Variants in SLC16A10 observed in about 807,000 individuals in gnomAD.
SLC16A10 encodes monocarboxylate transporter 10.
Under a neutral mutation model 40.0 loss-of-function variants are expected in SLC16A10, and 27 were observed. The ratio of observed to expected loss-of-function variants is 0.67; its 90% CI spans 0.50 to 0.93. The LOEUF (loss-of-function observed/expected upper bound fraction) is 0.93, where lower values mean the gene tolerates loss of function less well. SLC16A10 is among the 40% of genes least tolerant of loss of function. SLC16A10 has a pLI of 0.00. For missense variants in SLC16A10, 529 were observed against 658.2 expected, an observed-to-expected ratio of 0.80 and a Z score of 2.15; for synonymous variants, 213 against 249.8, an observed-to-expected ratio of 0.85 and a Z score of 1.39.
At chr6:111,164,079 A>C (rs1772427567) in intron 1 of SLC16A10, among the ~76,000 whole-genome samples, 1 of 152,238 alleles carries the variant, frequency 6.6e-6, no homozygotes, top group African/African-American at 2.4e-5. Context: ...ACCCTTTTGA[A>C]TTTAGTCAAT....
chr6:111,094,878 C>T (rs999463654), intron 1 of SLC16A10, among the ~76,000 whole-genome samples: 9 of 152,180 alleles, frequency 5.9e-5, no homozygotes, highest in Admixed American at 3.3e-4. Context: ...TGGCCTCAAG[C>T]GACCCTCCTG....
In SLC16A10 at chr6:111,230,402, A is replaced by T. The variant is rs1429980028; in HGVS notation, c.*8167A>T. 2 of 152,336 alleles carry T rather than the reference A, an allele frequency of 1.3e-5. No homozygotes were observed. The highest frequency in any genetic ancestry group is 6.5e-5 in the Admixed American group (1 of 15,298). The allele number at this position is 152,336 out of a possible 1,614,324, so 9.4% of individuals were successfully genotyped here. ...TCTCATTTTCCTAATTAGAAAGACT[A>T]TGCATTCACAATCCAGTACACTGGA... On this transcript the variant is annotated 3_prime_UTR_variant, in exon 6 of 6. Coordinates refer to ENST00000368851, the MANE Select transcript of SLC16A10 (RefSeq NM_018593.5).
At chr6:111,219,154 C>CT in intron 5 of SLC16A10, 112 bp downstream of exon 5, 3 of 992,828 alleles carry the variant, frequency 3.0e-6, no homozygotes, top group Admixed American at 2.5e-5. Flanking sequence ...GATTACTGGT[C>CT]TTTTGCTTTT....
At chr6:111,117,051 A>C (rs1021496501) in intron 1 of SLC16A10, among the ~76,000 whole-genome samples, 4 of 152,024 alleles carry the variant, frequency 2.6e-5, no homozygotes, top group African/African-American at 4.8e-5. Context: ...AGGATTGATA[A>C]AAGAAGTGGG....
At chr6:111,119,430 T>C (rs1771544690) in intron 1 of SLC16A10, among the ~76,000 whole-genome samples, 1 of 152,260 alleles carries the variant, frequency 6.6e-6, no homozygotes, top group Admixed American at 6.5e-5. Context: ...ATTGGAATCT[T>C]ACACAGTTTT....
intron 1 of SLC16A10, among the ~76,000 whole-genome samples, chr6:111,140,847 G>A (rs938357361): frequency 3.3e-5 from 5 of 152,106 alleles, no homozygotes; most frequent in African/African-American, 9.7e-5. Flanking sequence ...GTGCAGTGAT[G>A]CAATCATGGT....
intron 1 of SLC16A10, among the ~76,000 whole-genome samples, chr6:111,155,492 G>A (rs978962662): frequency 4.0e-4 from 60 of 151,894 alleles, no homozygotes; most frequent in African/African-American, 1.4e-3. Context: ...AAGCCACCAC[G>A]CCTGGCCCAA....
chr6:111,153,527 C>T (rs1360513648), intron 1 of SLC16A10, among the ~76,000 whole-genome samples: 1 of 132,842 alleles, frequency 7.5e-6, no homozygotes, highest in East Asian at 2.4e-4. Flanking sequence ...GAGCGAGACC[C>T]TGTCTCAAAA....
At chr6:111,203,136 C>T (rs1340203511) in intron 3 of SLC16A10, among the ~76,000 whole-genome samples, 3 of 152,032 alleles carry the variant, frequency 2.0e-5, no homozygotes, top group Non-Finnish European at 4.4e-5. Flanking sequence ...CCATTTTGTC[C>T]TATATTCACT....
In SLC16A10 at chr6:111,089,917, T is replaced by G. The variant is rs201504098; in HGVS notation, c.343+1822T>G. Among the ~76,000 whole-genome samples, 32 of 100,046 alleles carry G rather than the reference T, an allele frequency of 3.2e-4. No individual in the cohort carries two copies. In the East Asian group the frequency reaches 5.3e-3, roughly 17 times the overall value. 65.6% of individuals were successfully genotyped at this position (100,046 alleles called of 152,430 possible). A position where few individuals can be genotyped will look rare whatever the true frequency, so the allele number is the denominator to read the frequency against. On this transcript the variant is annotated intron_variant, in intron 1 of 5. Transcript: ENST00000368851. ...TGGTGTCTGTGGGTGGGTTTTTTTT[T>G]TTTTTTTTTTTTTTTTTTTTTTTTT...
Position 111,168,359 on chromosome 6 carries a change from C to T in SLC16A10, c.344-4336C>T, listed in dbSNP as rs148843263. 7.3e-3 allele frequency among the ~76,000 whole-genome samples: 1,104 copies of T among 152,202 alleles called. 10 individuals carry two copies. Among genetic ancestry groups the T allele is most frequent in the Middle Eastern group, 0.02 (6 of 294 alleles). On this transcript the variant is annotated intron_variant, in intron 1 of 5. Transcript: ENST00000368851. ...GTACTTCAGTTTCTCAATTGTTAAA[C>T]GAACTTAATAGAAGTACTACCTTAT...
chr6:111,161,806 G>T (rs1360632845), intron 1 of SLC16A10, among the ~76,000 whole-genome samples: 1 of 152,160 alleles, frequency 6.6e-6, no homozygotes, highest in Non-Finnish European at 1.5e-5. Flanking sequence ...GGGTGAATGA[G>T]GCTCGGCTTT....
At position 111,224,496 on chromosome 6, in the gene SLC16A10, G is replaced by A. The variant is rs1770955935; in HGVS notation, c.*2261G>A. On this transcript the variant is annotated 3_prime_UTR_variant, in exon 6 of 6. Coordinates refer to ENST00000368851, the MANE Select transcript of SLC16A10 (RefSeq NM_018593.5). ...ACAAGTATATATAACTTAGATCTCA[G>A]CATATGTGTTTGTATATTAAACTTC... is the stretch of plus-strand genomic sequence containing the variant. 6.6e-6 allele frequency: 1 copy of A among 152,104 alleles called. No individual in the cohort carries two copies. 9.4% of individuals were successfully genotyped at this position (152,104 alleles called of 1,614,324 possible). A position where few individuals can be genotyped will look rare whatever the true frequency, so the allele number is the denominator to read the frequency against.
intron 3 of SLC16A10, among the ~76,000 whole-genome samples, chr6:111,179,457 C>G (rs1295309781): frequency 1.3e-5 from 2 of 152,182 alleles, no homozygotes; most frequent in African/African-American, 4.8e-5. Flanking sequence ...ACTGTGCTTA[C>G]CTGGTAGCAA....
rs962207990 is a variant in SLC16A10 at position 111,098,546 on chromosome 6, T to G, written c.343+10451T>G. Reference sequence around the variant, plus strand: ...TCCAAGACCAATTTTGAGATGTGTTTTAATATTACAAAAATAGAAAACTAC... The same window carrying G: ...TCCAAGACCAATTTTGAGATGTGTTGTAATATTACAAAAATAGAAAACTAC... On this transcript the variant is annotated intron_variant, in intron 1 of 5. Coordinates refer to ENST00000368851, the MANE Select transcript of SLC16A10 (RefSeq NM_018593.5). Among the ~76,000 whole-genome samples, 3 of 152,230 alleles carry G rather than the reference T, an allele frequency of 2.0e-5. No homozygotes were observed. In the East Asian group the frequency reaches 5.8e-4, roughly 29 times the overall value.
At chr6:111,200,648 T>G (rs927668252) in intron 3 of SLC16A10, among the ~76,000 whole-genome samples, 1 of 152,200 alleles carries the variant, frequency 6.6e-6, no homozygotes, top group Non-Finnish European at 1.5e-5. Flanking sequence ...TCATCCTACT[T>G]TTAAGTCAAA....
At chr6:111,196,665 C>T (rs963092872) in intron 3 of SLC16A10, among the ~76,000 whole-genome samples, 3 of 152,078 alleles carry the variant, frequency 2.0e-5, no homozygotes, top group Admixed American at 6.5e-5. Context: ...CAACAGGAGA[C>T]TATACTTTCA....
At chr6:111,185,319 G>A (rs906240016) in intron 3 of SLC16A10, among the ~76,000 whole-genome samples, 3 of 152,150 alleles carry the variant, frequency 2.0e-5, no homozygotes, top group African/African-American at 2.4e-5. Flanking sequence ...AGAGATAGGA[G>A]TGCTGCTATT....
chr6:111,113,418 T>G (rs1020236049), intron 1 of SLC16A10, among the ~76,000 whole-genome samples: 7 of 152,222 alleles, frequency 4.6e-5, no homozygotes, highest in Non-Finnish European at 8.8e-5. Context: ...CAAGGTGTTT[T>G]TCGATCACAT....
Sources: gnomAD v4.1 joint callset for allele counts (sites outside exome capture counted in the v4.1 genomes callset) on GRCh38, gnomAD v4.1.1 for gene constraint, MANE v1.5 for transcripts, NCBI Gene and HGNC (gene_info 2026-07-23, HGNC 2026-07-21) for gene names.